STARD9: variants seen among roughly 807,000 people sequenced by gnomAD.
STARD9 encodes StAR related lipid transfer domain containing 9, also known as stAR-related lipid transfer protein 9.
Under a neutral mutation model 399.8 loss-of-function variants are expected in STARD9, and 346 were observed. That is an observed-to-expected ratio of 0.87 (90% CI 0.79 to 0.95). The LOEUF (loss-of-function observed/expected upper bound fraction) is 0.95. Ranked by LOEUF, STARD9 falls within the 40% of genes least tolerant of loss-of-function variation. The pLI is 0.00. For synonymous variants in STARD9, 2,203 were observed against 2,143.5 expected (o/e 1.03, Z -0.77); for missense variants, 5,832 against 5,667.5 (o/e 1.03, Z -0.93).
At chr15:42,637,691 A>G (rs1239503416) in intron 4 of STARD9, among the ~76,000 whole-genome samples, 1 of 152,086 alleles carries the variant, frequency 6.6e-6, no homozygotes, top group Non-Finnish European at 1.5e-5. Flanking sequence ...GGTGATACAT[A>G]TTCCTCTCAT....
At chr15:42,621,337 T>C (rs192643690) in intron 3 of STARD9, among the ~76,000 whole-genome samples, 1 of 152,366 alleles carries the variant, frequency 6.6e-6, no homozygotes, top group East Asian at 1.9e-4. Context: ...ATTATATCTT[T>C]GATTCATGGT....
At chr15:42,710,889 C>T (rs907726344) in intron 26 of STARD9, among the ~76,000 whole-genome samples, 6 of 127,472 alleles carry the variant, frequency 4.7e-5, no homozygotes, top group South Asian at 2.5e-4. Context: ...CTCACTTGTG[C>T]GCTCTCTCTC....
intron 26 of STARD9, among the ~76,000 whole-genome samples, chr15:42,714,677 T>TCC (rs2061319288): frequency 3.3e-5 from 5 of 152,284 alleles, no homozygotes; most frequent in Admixed American, 3.3e-4. Flanking sequence ...ACTCCTGGAC[T>TCC]CAAGGGATTC....
At chr15:42,667,076 A>C (rs1266847524) in intron 15 of STARD9, among the ~76,000 whole-genome samples, 1 of 152,066 alleles carries the variant, frequency 6.6e-6, no homozygotes, top group Non-Finnish European at 1.5e-5. Flanking sequence ...TGGCCTCCCA[A>C]AGTGCTGGGA....
At chr15:42,676,436 G>A (rs535706648) in intron 20 of STARD9, among the ~76,000 whole-genome samples, 2 of 152,286 alleles carry the variant, frequency 1.3e-5, no homozygotes, top group Admixed American at 1.3e-4. Context: ...TAAAGATAGT[G>A]TGTGACTGAG....
rs1566945569 is a variant in STARD9 at position 42,691,125 on chromosome 15, G to GA, written c.9548dup (p.Asp3183GlufsTer53). 2 of 1,537,150 alleles carry GA rather than the reference G, an allele frequency of 1.3e-6. No individual in the cohort carries two copies. Among genetic ancestry groups the GA allele is most frequent in the Non-Finnish European group, 1.7e-6 (2 of 1,146,888 alleles). On this transcript the variant is annotated frameshift_variant, in exon 23 of 33. Coordinates refer to ENST00000290607, the MANE Select transcript of STARD9 (RefSeq NM_020759.3). LOFTEE classifies it high-confidence loss of function. The stretch of plus-strand genomic sequence containing the variant: ...GCCACAATTTTCCACTGAGTTGAGG[G>GA]ATCACAATCGCTTGGATTCCCAAGC...
chr15:42,659,714 C>T (rs112458684), intron 9 of STARD9, among the ~76,000 whole-genome samples: 519 of 152,160 alleles, frequency 3.4e-3, no homozygotes, highest in Non-Finnish European at 6.4e-3. Flanking sequence ...TTAGTAGAGA[C>T]GAGGTTTCAC....
In STARD9 at chr15:42,690,493, C is replaced by T. The variant is rs777150291; in HGVS notation, c.8915C>T (p.Ser2972Phe). The T allele has an allele frequency of 2.6e-6, 4 of 1,537,218 alleles. No homozygotes were observed. The South Asian group carries it at 3.6e-5, about 14-fold the overall frequency. ...VATHAYSSHSSTLLCFRDGDL... is the reference protein window; with the variant it reads ...VATHAYSSHSFTLLCFRDGDL... ...ACTCATGCTTATTCCTCCCATTCCT[C>T]TACTTTACTGTGTTTTAGAGATGGT... The change falls in exon 23 of 33, where the codon TCT becomes TTT. Residue 2972 changes from serine (S) to phenylalanine (F), a missense_variant. By Grantham distance (155) the Ser-to-Phe change is radical. This residue lies in a region of STARD9 where 5,828 missense variants were observed against 5,651.1 expected (regional missense o/e 1.03). Transcript: ENST00000290607.
intron 3 of STARD9, among the ~76,000 whole-genome samples, chr15:42,626,393 TTCC>T (rs1192409563): frequency 1.9e-4 from 24 of 126,808 alleles, no homozygotes; most frequent in South Asian, 2.9e-4. Context: ...CCTCTTCCTC[TTCC>T]TCCTCCTCTT....
Position 42,686,894 on chromosome 15 carries a change from C to G in STARD9, c.5316C>G (p.Pro1772=). ...CAGCTTGCAGAGAAGTAAGGGTACCCTCCCCACCCCCCAGGGAAGCCTGGG... is the reference window on the plus strand; with the variant it reads ...CAGCTTGCAGAGAAGTAAGGGTACCGTCCCCACCCCCCAGGGAAGCCTGGG... The part of the protein sequence containing the change: ...EIPACREVRV[P]SPPPREAWGF... The change falls in exon 23 of 33, where the codon CCC becomes CCG. Residue 1772 remains proline, a synonymous_variant. Coordinates refer to ENST00000290607, the MANE Select transcript of STARD9 (RefSeq NM_020759.3). The G allele has an allele frequency of 6.5e-7, 1 of 1,536,860 alleles. No individual in the cohort carries two copies.
At position 42,646,539 on chromosome 15, in the gene STARD9, C is replaced by T. The variant is rs890704847; in HGVS notation, c.560-4477C>T. 2.6e-5 allele frequency among the ~76,000 whole-genome samples: 4 copies of T among 152,358 alleles called. No individual in the cohort carries two copies. In the South Asian group the frequency reaches 6.2e-4, roughly 24 times the overall value. On this transcript the variant is annotated intron_variant, in intron 7 of 32. Coordinates refer to ENST00000290607, the MANE Select transcript of STARD9 (RefSeq NM_020759.3). ...TCCAACTTTTCTTCTGCAGCTTCTT[C>T]ACTTCTCTCAGCCTTCATAGCATTG...
At chr15:42,706,638 T>C (rs965005381) in intron 26 of STARD9, among the ~76,000 whole-genome samples, 3 of 152,012 alleles carry the variant, frequency 2.0e-5, no homozygotes, top group Admixed American at 6.6e-5. Flanking sequence ...TTAGTAGAGA[T>C]TGGGTTTCAC....
chr15:42,688,641 A>T lies in STARD9; in HGVS notation c.7063A>T (p.Ile2355Phe), dbSNP rs2060617701. The T allele has an allele frequency of 6.5e-7, 1 of 1,537,510 alleles. No individual in the cohort carries two copies. Among genetic ancestry groups the T allele is most frequent in the African/African-American group, 1.4e-5 (1 of 73,046 alleles). ...TCTTCATGTACCTGTTGCTCTAGGC[A>T]TCTCTTCACTTGACTGTGTGCTGGA... is the stretch of plus-strand genomic sequence containing the variant. The part of the protein sequence containing the change: ...RCLHVPVALG[I>F]SSLDCVLDLT... The change falls in exon 23 of 33, where the codon ATC becomes TTC. Residue 2355 changes from isoleucine (I) to phenylalanine (F), a missense_variant. Ile to Phe is a conservative substitution (Grantham distance 21). This residue lies in a region of STARD9 where 5,828 missense variants were observed against 5,651.1 expected (regional missense o/e 1.03). Transcript: ENST00000290607.
chr15:42,703,449 C>T (rs1392221175), intron 26 of STARD9, among the ~76,000 whole-genome samples: 4 of 151,386 alleles, frequency 2.6e-5, no homozygotes, highest in African/African-American at 4.9e-5. Context: ...CTGCAGCCTC[C>T]GCCTCCAGGG....
chr15:42,696,490 T>C (rs1468339637), intron 26 of STARD9, among the ~76,000 whole-genome samples: 2 of 152,192 alleles, frequency 1.3e-5, no homozygotes, highest in Non-Finnish European at 2.9e-5. Context: ...ATGTGGACTA[T>C]AATGAGAGTT....
At chr15:42,631,308 C>T (rs1483957317) in intron 3 of STARD9, among the ~76,000 whole-genome samples, 1 of 152,106 alleles carries the variant, frequency 6.6e-6, no homozygotes, top group South Asian at 2.1e-4. Context: ...TTAGGCCAGG[C>T]ATGGGGCTTA....
chr15:42,687,034 T>G lies in STARD9; in HGVS notation c.5456T>G (p.Ile1819Arg), dbSNP rs1419573173. ...TCATCTCAGCAGGTCACAGCTGAGA[T>G]ACCAGTTGATCTGAATACCAGGGAA... is the stretch of plus-strand genomic sequence containing the variant. Reference protein sequence around the residue: ...IASSQQVTAEIPVDLNTREVI... With the variant: ...IASSQQVTAERPVDLNTREVI... The change falls in exon 23 of 33, where the codon ATA becomes AGA. Residue 1819 changes from isoleucine (I) to arginine (R), a missense_variant. This residue lies in a region of STARD9 where 5,828 missense variants were observed against 5,651.1 expected (regional missense o/e 1.03). Transcript: ENST00000290607. 1 of 1,537,158 alleles carries G rather than the reference T, an allele frequency of 6.5e-7. No homozygotes were observed. Among genetic ancestry groups the G allele is most frequent in the Non-Finnish European group, 8.7e-7 (1 of 1,146,914 alleles).
At chr15:42,710,270 C>T (rs2061185096) in intron 26 of STARD9, among the ~76,000 whole-genome samples, 1 of 151,652 alleles carries the variant, frequency 6.6e-6, no homozygotes, top group Non-Finnish European at 1.5e-5. Flanking sequence ...ACCATGTTGC[C>T]CAGGCTGGTG....
chr15:42,615,819 AAAG>A (rs2058951899), intron 3 of STARD9, among the ~76,000 whole-genome samples: 1 of 152,186 alleles, frequency 6.6e-6, no homozygotes, highest in Non-Finnish European at 1.5e-5. Flanking sequence ...TACACATGAA[AAAG>A]AAGAGTTATA....
Sources: allele counts gnomAD v4.1 joint callset (sites outside exome capture counted in the v4.1 genomes callset), GRCh38; gene constraint gnomAD v4.1.1; regional missense constraint gnomAD v4.1.1; transcripts MANE v1.5; gene names NCBI Gene and HGNC (gene_info 2026-07-23, HGNC 2026-07-21).